RRBP1: variants seen among roughly 807,000 people sequenced by gnomAD.
RRBP1 encodes the protein ribosome-binding protein 1.
A neutral mutation model predicts 165.2 loss-of-function variants in RRBP1; 94 were observed. The ratio of observed to expected loss-of-function variants is 0.57; its 90% CI spans 0.48 to 0.68. The LOEUF is 0.68. Ranked by LOEUF, RRBP1 falls within the 30% of genes least tolerant of loss-of-function variation. The pLI is 0.00. For synonymous variants in RRBP1, 680 were observed against 714.5 expected, an observed-to-expected ratio of 0.95 and a Z score of 0.77; for missense variants, 1,676 against 1,763.0, an observed-to-expected ratio of 0.95 and a Z score of 0.88.
chr20:17,624,715 G>A lies in RRBP1; in HGVS notation c.3055-47C>T, dbSNP rs759999001. The A allele has an allele frequency of 1.2e-4, 161 of 1,375,198 alleles. No individual in the cohort carries two copies. In the South Asian group the frequency reaches 1.6e-3, roughly 14 times the overall value. 85.2% of individuals were successfully genotyped at this position (1,375,198 alleles called of 1,614,324 possible). A position where few individuals can be genotyped will look rare whatever the true frequency, so the allele number is the denominator to read the frequency against. On this transcript the variant is annotated intron_variant, in intron 12 of 24. Coordinates refer to ENST00000377813, the MANE Select transcript of RRBP1 (RefSeq NM_001365613.2). ...GGTCAGCAGCCTGCACTGGCAGCAC[G>A]GGCTGCCTAAGCTGGTGTCAGACAG...
At chr20:17,628,132 G>A (rs1330420362) in intron 9 of RRBP1, among the ~76,000 whole-genome samples, 4 of 152,042 alleles carry the variant, frequency 2.6e-5, no homozygotes, top group Non-Finnish European at 5.9e-5. Flanking sequence ...GCCAGGGGGT[G>A]ACTCTTCTGC....
At chr20:17,621,975 G>C (rs1215002501) in intron 13 of RRBP1, 28 bp from the exon 14 acceptor site, 1 of 1,584,274 alleles carries the variant, frequency 6.3e-7, no homozygotes, top group East Asian at 2.2e-5. Flanking sequence ...AAGAGCGGAA[G>C]GTGTTCAGCT....
At chr20:17,620,102 C>T (rs1475639543) in intron 18 of RRBP1, among the ~76,000 whole-genome samples, 197 bp downstream of exon 18, 21 of 152,138 alleles carry the variant, frequency 1.4e-4, no homozygotes, top group Admixed American at 1.4e-3. Flanking sequence ...GTGGCTGGGT[C>T]TCAGGGTCCT....
chr20:17,652,395 C>A (rs1056486128), intron 3 of RRBP1, among the ~76,000 whole-genome samples: 1 of 152,162 alleles, frequency 6.6e-6, no homozygotes, highest in Non-Finnish European at 1.5e-5. Context: ...CCATATGGGA[C>A]AGCACAGCCC....
chr20:17,675,882 C>T (rs988235926), intron 2 of RRBP1, among the ~76,000 whole-genome samples: 2 of 152,130 alleles, frequency 1.3e-5, no homozygotes, highest in African/African-American at 2.4e-5. Flanking sequence ...AGGCAGGGAG[C>T]CCACCAGAGG....
chr20:17,620,759 C>G lies in RRBP1; in HGVS notation c.3463G>C (p.Val1155Leu), dbSNP rs374566743. ...GCGGCGCCCACCTTGGCCCTCCACA[C>G]CTGCTCCTCCTCCTCCACGCTCTTC... ...LQKSVEEEEQVWRAKVGAAEE... is the reference protein window; with the variant it reads ...LQKSVEEEEQLWRAKVGAAEE... The change falls in exon 17 of 25, where the codon GTG becomes CTG. Residue 1155 changes from valine (V) to leucine (L), a missense_variant. Coordinates refer to ENST00000377813, the MANE Select transcript of RRBP1 (RefSeq NM_001365613.2). 6.8e-6 allele frequency: 11 copies of G among 1,608,884 alleles called. No individual in the cohort carries two copies. Among genetic ancestry groups the G allele is most frequent in the Non-Finnish European group, 8.5e-6 (10 of 1,179,940 alleles).
chr20:17,650,341 G>T (rs944102746), intron 3 of RRBP1, among the ~76,000 whole-genome samples: 1 of 152,214 alleles, frequency 6.6e-6, no homozygotes, highest in African/African-American at 2.4e-5. Context: ...ACCTCATGGA[G>T]GTTGGGTGGG....
intron 11 of RRBP1, 67 bp downstream of exon 11, chr20:17,627,281 C>A: frequency 7.1e-6 from 11 of 1,548,998 alleles, no homozygotes; most frequent in Non-Finnish European, 9.7e-6. Context: ...AAACCCTGGC[C>A]CCCCAAGGGT....
At chr20:17,639,792 C>A (rs965245858) in intron 5 of RRBP1, among the ~76,000 whole-genome samples, 1 of 150,880 alleles carries the variant, frequency 6.6e-6, no homozygotes, top group African/African-American at 2.4e-5. Context: ...ACTTGGGAGG[C>A]TGAGACAGGA....
intron 11 of RRBP1, among the ~76,000 whole-genome samples, chr20:17,626,601 A>G (rs1180288487): frequency 6.6e-6 from 1 of 152,146 alleles, no homozygotes; most frequent in African/African-American, 2.4e-5. Context: ...GGAATGCAGG[A>G]CACCCTCCAT....
chr20:17,658,529 G>C, intron 3 of RRBP1, 67 bp downstream of exon 3: 1 of 1,384,852 alleles, frequency 7.2e-7, no homozygotes, highest in Non-Finnish European at 9.8e-7. Flanking sequence ...GGCACTCCCC[G>C]AGAGAATCCA....
chr20:17,623,398 A>C (rs6080751), intron 13 of RRBP1: 98,577 of 152,146 alleles, frequency 0.65, 33,743 homozygotes, highest in Middle Eastern at 0.81. Context: ...AGGTAGGAAA[A>C]CGTGTGTGAC....
Position 17,616,036 on chromosome 20 carries a change from G to A in RRBP1, c.3868-27C>T, listed in dbSNP as rs200081758. The A allele has an allele frequency of 3.1e-5, 49 of 1,594,168 alleles. No individual in the cohort carries two copies. In the East Asian group the frequency reaches 7.2e-4, roughly 23 times the overall value. ...TGTGCAAACACCGCAAACATAACCC[G>A]GCAGCCCGGTGAGGAACCCTCCAGG... On this transcript the variant is annotated intron_variant, in intron 21 of 24. Coordinates refer to ENST00000377813, the MANE Select transcript of RRBP1 (RefSeq NM_001365613.2).
rs45479602 is a variant in RRBP1, at chr20:17,629,867, C to T, written c.2705G>A (p.Arg902Gln). Reference sequence around the variant, plus strand: ...CTCCTGGGCCTTCTCGGCATCCGCCCGGAGGCTGGCGTGGCTGCTCTGCGT... The same window carrying T: ...CTCCTGGGCCTTCTCGGCATCCGCCTGGAGGCTGGCGTGGCTGCTCTGCGT... ...CHTQSSHASL[R>Q]ADAEKAQEQQ... is the part of the protein sequence containing the mutation. Residue 902 changes from arginine (R) to glutamine (Q), a missense_variant, in exon 9 of 25, where the codon CGG becomes CAG. This residue lies in a region of RRBP1 where 1,184 missense variants were observed against 1,167.1 expected (regional missense o/e 1.01). Coordinates refer to ENST00000377813, the MANE Select transcript of RRBP1 (RefSeq NM_001365613.2). The T allele has an allele frequency of 3.7e-3, 5,894 of 1,600,032 alleles. 16 individuals carry two copies. Among genetic ancestry groups the T allele is most frequent in the Admixed American group, 4.4e-3 (265 of 59,982 alleles).
rs771356047 is a variant in RRBP1, at chr20:17,624,717, GC to G, written c.3055-50del. The G allele has an allele frequency of 2.2e-6, 3 of 1,341,124 alleles. No individual in the cohort carries two copies. The African/African-American group carries it at 4.3e-5, about 19-fold the overall frequency. 83.1% of individuals were successfully genotyped at this position (1,341,124 alleles called of 1,614,324 possible). A position where few individuals can be genotyped will look rare whatever the true frequency, so the allele number is the denominator to read the frequency against. On this transcript the variant is annotated intron_variant, in intron 12 of 24. Transcript: ENST00000377813. ...TCAGCAGCCTGCACTGGCAGCACGG[GC>G]TGCCTAAGCTGGTGTCAGACAGGAC...
chr20:17,658,679 G>A lies in RRBP1; in HGVS notation c.1829C>T (p.Thr610Ile). The A allele has an allele frequency of 1.2e-6, 2 of 1,614,212 alleles. No homozygotes were observed. Among genetic ancestry groups the A allele is most frequent in the Non-Finnish European group, 1.7e-6 (2 of 1,180,038 alleles). ...TGCCTCTGGGCTCTGGGCCACATCTGTATTTCTGCCCTGGACAGAAGCTGA... is the reference window on the plus strand; with the variant it reads ...TGCCTCTGGGCTCTGGGCCACATCTATATTTCTGCCCTGGACAGAAGCTGA... ...TESASVQGRN[T>I]DVAQSPEAPK... The change falls in exon 3 of 25, where the codon ACA becomes ATA. Residue 610 changes from threonine to isoleucine, a missense_variant. By Grantham distance (89) the Thr-to-Ile change is moderately conservative. Transcript: ENST00000377813.
chr20:17,659,098 T>G lies in RRBP1; in HGVS notation c.1410A>C (p.Lys470Asn), dbSNP rs1485572460. 7.5e-7 allele frequency: 1 copy of G among 1,339,786 alleles called. No individual in the cohort carries two copies. The highest frequency in any genetic ancestry group is 2.5e-5 in the Admixed American group (1 of 39,630). 83.0% of individuals were successfully genotyped at this position (1,339,786 alleles called of 1,614,324 possible). ...KKAEGAQNQG[K>N]KVEGAQNQGK... The stretch of plus-strand genomic sequence containing the variant: ...CCTGGTTCTGGGCCCCTTCTACTTT[T>G]TTGCCCTGGTTCTGAGCACCCTCGG... Residue 470 changes from lysine (K) to asparagine (N), a missense_variant, in exon 3 of 25, where the codon AAA (lysine) becomes AAC (asparagine). Coordinates refer to ENST00000377813, the MANE Select transcript of RRBP1 (RefSeq NM_001365613.2).
chr20:17,618,864 G>T (rs1009859864), intron 19 of RRBP1, 185 bp from the exon 20 acceptor site: 9 of 600,780 alleles, frequency 1.5e-5, no homozygotes, highest in Non-Finnish European at 2.7e-5. Flanking sequence ...TCTTTTTTGA[G>T]GACTTAGGAA....
chr20:17,619,137 G>A (rs915738754), intron 19 of RRBP1: 6 of 176,982 alleles, frequency 3.4e-5, no homozygotes, highest in Admixed American at 1.1e-4. Flanking sequence ...TGCCCAGGCC[G>A]GTCTCAAATT....
Sources: gnomAD v4.1 joint callset for allele counts (sites outside exome capture counted in the v4.1 genomes callset) on GRCh38, gnomAD v4.1.1 for gene constraint, gnomAD v4.1.1 regional missense constraint, MANE v1.5 for transcripts, NCBI Gene and HGNC (gene_info 2026-07-23, HGNC 2026-07-21) for gene names.